Variants in PITPNC1 observed in about 807,000 individuals in gnomAD.
PITPNC1 encodes the protein cytoplasmic phosphatidylinositol transfer protein 1.
Under a neutral mutation model 44.7 loss-of-function variants are expected in PITPNC1, and 18 were observed. The ratio of observed to expected loss-of-function variants is 0.40; its 90% CI spans 0.28 to 0.60. The LOEUF is 0.60. PITPNC1 is among the 20% of genes least tolerant of loss of function. The pLI is 0.39. For synonymous variants in PITPNC1, 141 were observed against 149.6 expected (o/e 0.94, Z 0.42); for missense variants, 290 against 418.4 (o/e 0.69, Z 2.68).
At chr17:67,555,002 G>A (rs564894874) in intron 4 of PITPNC1, among the ~76,000 whole-genome samples, 30 of 152,100 alleles carry the variant, frequency 2.0e-4, no homozygotes, top group East Asian at 1.9e-3. Flanking sequence ...CATCATACTC[G>A]GATATTAAAA....
intron 2 of PITPNC1, among the ~76,000 whole-genome samples, chr17:67,534,690 T>C (rs1267274644): frequency 6.6e-6 from 1 of 152,000 alleles, no homozygotes; most frequent in Non-Finnish European, 1.5e-5. Context: ...AAAAGAAATA[T>C]ATTTTATTGA....
At chr17:67,633,919 G>A (rs1263614884) in intron 6 of PITPNC1, among the ~76,000 whole-genome samples, 1 of 152,238 alleles carries the variant, frequency 6.6e-6, no homozygotes, top group East Asian at 1.9e-4. Flanking sequence ...GTGTGCTTTG[G>A]CGTGGCTCTG....
At position 67,689,127 on chromosome 17, in the gene PITPNC1, A is replaced by C. The variant is rs921812625; in HGVS notation, c.683-3445A>C. On this transcript the variant is annotated intron_variant, in intron 8 of 8. Coordinates refer to ENST00000581322, the MANE Select transcript of PITPNC1 (RefSeq NM_012417.4). ...TGAGGCAGGAGAATCGTTTGAACCC[A>C]GGAGATGGAGGTTGCAGTGAGCAGA... Among the ~76,000 whole-genome samples the C allele has an allele frequency of 1.7e-4, 26 of 152,218 alleles. 1 individual carries two copies. Among genetic ancestry groups the C allele is most frequent in the Admixed American group, 2.6e-4 (4 of 15,278 alleles).
intron 1 of PITPNC1, among the ~76,000 whole-genome samples, chr17:67,429,721 A>T (rs1567986587): frequency 6.6e-6 from 1 of 152,120 alleles, no homozygotes; most frequent in Non-Finnish European, 1.5e-5. Context: ...CTTACAAAGT[A>T]ATTATTTCTA....
intron 8 of PITPNC1, among the ~76,000 whole-genome samples, chr17:67,685,725 G>T (rs1472751126): frequency 6.6e-6 from 1 of 152,212 alleles, no homozygotes; most frequent in Non-Finnish European, 1.5e-5. Context: ...AGCCGGGTAG[G>T]GGTGGGGGTA....
intron 4 of PITPNC1, among the ~76,000 whole-genome samples, chr17:67,572,899 G>A (rs141382973): frequency 2.0e-4 from 30 of 152,220 alleles, no homozygotes; most frequent in African/African-American, 7.2e-4. Flanking sequence ...AGAAGGGGAT[G>A]TAAAGACGGA....
intron 1 of PITPNC1, among the ~76,000 whole-genome samples, chr17:67,395,385 G>A (rs1481380857): frequency 6.6e-6 from 1 of 152,062 alleles, no homozygotes; most frequent in Admixed American, 6.6e-5. Context: ...TTAGCCTCAA[G>A]CAATCCTCCT....
intron 1 of PITPNC1, among the ~76,000 whole-genome samples, chr17:67,466,159 C>G (rs931614492): frequency 8.2e-6 from 1 of 121,494 alleles, no homozygotes; most frequent in Non-Finnish European, 1.6e-5. Flanking sequence ...CGCCCAAATG[C>G]ATAACTAATT....
chr17:67,610,607 G>A (rs1293074427), intron 5 of PITPNC1, among the ~76,000 whole-genome samples: 1 of 152,042 alleles, frequency 6.6e-6, no homozygotes, highest in Non-Finnish European at 1.5e-5. Context: ...GGTCAACATG[G>A]CAAGACCCTG....
chr17:67,681,408 T>G (rs2042702431), intron 8 of PITPNC1, among the ~76,000 whole-genome samples: 1 of 149,984 alleles, frequency 6.7e-6, no homozygotes, highest in African/African-American at 2.5e-5. Flanking sequence ...AGCTGAGGAG[T>G]TTGAGACCAG....
At chr17:67,688,156 T>G (rs1381558912) in intron 8 of PITPNC1, among the ~76,000 whole-genome samples, 1 of 151,032 alleles carries the variant, frequency 6.6e-6, no homozygotes, top group Non-Finnish European at 1.5e-5. Context: ...CTGACCAACA[T>G]GGAGAAACCT....
rs918372226 is a variant in PITPNC1, at chr17:67,550,934, G to A, written c.198-1323G>A. Among the ~76,000 whole-genome samples, 51 of 152,168 alleles carry A rather than the reference G, an allele frequency of 3.4e-4. 1 individual carries two copies. The highest frequency in any genetic ancestry group is 9.6e-4 in the African/African-American group (40 of 41,508). On this transcript the variant is annotated intron_variant, in intron 2 of 8. Coordinates refer to ENST00000581322, the MANE Select transcript of PITPNC1 (RefSeq NM_012417.4). The stretch of plus-strand genomic sequence containing the variant: ...AAATTAGCCGGGCGTGGTGGCTGGC[G>A]CCTGTAGTCCCAGCTACTCAGGAGG...
At chr17:67,523,689 C>CA (rs1728514555) in intron 1 of PITPNC1, among the ~76,000 whole-genome samples, 1 of 150,866 alleles carries the variant, frequency 6.6e-6, no homozygotes, top group African/African-American at 2.4e-5. Flanking sequence ...CCACTGTGAA[C>CA]AATTATCACG....
intron 1 of PITPNC1, among the ~76,000 whole-genome samples, chr17:67,495,117 C>G (rs769452235): frequency 3.2e-4 from 38 of 120,180 alleles, no homozygotes; most frequent in Middle Eastern, 6.6e-3. Flanking sequence ...AGTGCAGTGG[C>G]GCTATCTCGG....
intron 8 of PITPNC1, among the ~76,000 whole-genome samples, chr17:67,682,979 G>T (rs547571094): frequency 6.1e-4 from 93 of 152,082 alleles, no homozygotes; most frequent in African/African-American, 2.2e-3. Context: ...GGCCAACATG[G>T]TGAAACCCCG....
chr17:67,423,210 G>A (rs1394597436), intron 1 of PITPNC1, among the ~76,000 whole-genome samples: 1 of 152,102 alleles, frequency 6.6e-6, no homozygotes, highest in Non-Finnish European at 1.5e-5. Context: ...AGGAAACAGA[G>A]GATTTTATTT....
chr17:67,632,340 G>A (rs778293484), intron 6 of PITPNC1, 102 bp downstream of exon 6: 87 of 731,982 alleles, frequency 1.2e-4, no homozygotes, highest in Middle Eastern at 7.0e-4. Flanking sequence ...ATCTCTCGTC[G>A]TGTGGATTCA....
chr17:67,681,924 G>A (rs1053452411), intron 8 of PITPNC1, among the ~76,000 whole-genome samples: 3 of 152,138 alleles, frequency 2.0e-5, no homozygotes, highest in Non-Finnish European at 2.9e-5. Flanking sequence ...GAGGCCAGGT[G>A]CAGTGGTTCA....
chr17:67,481,208 C>T (rs1446012143), intron 1 of PITPNC1, among the ~76,000 whole-genome samples: 1 of 152,188 alleles, frequency 6.6e-6, no homozygotes, highest in African/African-American at 2.4e-5. Flanking sequence ...ACCTGGCCTG[C>T]CTTGTTATCT....
Sources: gnomAD v4.1 joint callset for allele counts (sites outside exome capture counted in the v4.1 genomes callset) on GRCh38, gnomAD v4.1.1 for gene constraint, MANE v1.5 for transcripts, NCBI Gene and HGNC (gene_info 2026-07-23, HGNC 2026-07-21) for gene names.